The following ZNF804A variants were observed in gnomAD, a reference collection of about 807,000 sequenced individuals.
The protein encoded by ZNF804A is zinc finger protein 804A.
In ZNF804A, 2 loss-of-function variants were observed where a neutral mutation model predicts 16.5. That is an observed-to-expected ratio of 0.12 (90% CI 0.05 to 0.38). ZNF804A has a LOEUF of 0.38. Ranked by LOEUF, ZNF804A falls within the 10% of genes least tolerant of loss-of-function variation. The pLI, the probability that ZNF804A is intolerant of heterozygous loss-of-function variation, is 0.99. For synonymous variants in ZNF804A, 534 were observed against 489.6 expected, an observed-to-expected ratio of 1.09 and a Z score of -1.20; for missense variants, 1,473 against 1,390.7, an observed-to-expected ratio of 1.06 and a Z score of -0.94.
chr2:184,811,798 C>A (rs1402401304), intron 1 of ZNF804A, among the ~76,000 whole-genome samples: 1 of 152,118 alleles, frequency 6.6e-6, no homozygotes, highest in Non-Finnish European at 1.5e-5. Flanking sequence ...ATTTTAGCCT[C>A]CATCTTAATT....
At chr2:184,656,720 A>G (rs999634942) in intron 1 of ZNF804A, among the ~76,000 whole-genome samples, 4 of 151,676 alleles carry the variant, frequency 2.6e-5, no homozygotes, top group African/African-American at 9.7e-5. Context: ...ATACACATAT[A>G]TATACACATA....
intron 1 of ZNF804A, among the ~76,000 whole-genome samples, chr2:184,686,904 A>G (rs574952272): frequency 2.8e-4 from 42 of 152,174 alleles, no homozygotes; most frequent in African/African-American, 1.0e-3. Context: ...TTATTAATTT[A>G]TGTCTCTTAT....
At chr2:184,861,512 C>T (rs1236289932) in intron 1 of ZNF804A, among the ~76,000 whole-genome samples, 12 of 152,144 alleles carry the variant, frequency 7.9e-5, no homozygotes, top group Admixed American at 7.9e-4. Flanking sequence ...AAAGCACAGT[C>T]CTAATGTCAT....
At chr2:184,760,449 T>C (rs1359260806) in intron 1 of ZNF804A, among the ~76,000 whole-genome samples, 1 of 152,164 alleles carries the variant, frequency 6.6e-6, no homozygotes, top group East Asian at 1.9e-4. Flanking sequence ...GAAAATAATC[T>C]GATTTCTAAA....
At chr2:184,693,983 G>T (rs973507164) in intron 1 of ZNF804A, among the ~76,000 whole-genome samples, 1 of 147,750 alleles carries the variant, frequency 6.8e-6, no homozygotes, top group Non-Finnish European at 1.5e-5. Context: ...AGGCTGGAGT[G>T]CAGTGGCATG....
chr2:184,750,244 T>A (rs1286604698), intron 1 of ZNF804A, among the ~76,000 whole-genome samples: 2 of 151,346 alleles, frequency 1.3e-5, no homozygotes, highest in African/African-American at 4.8e-5. Flanking sequence ...GAAAATGATC[T>A]TCACAATACA....
At chr2:184,823,469 G>T (rs1695115989) in intron 1 of ZNF804A, among the ~76,000 whole-genome samples, 1 of 152,128 alleles carries the variant, frequency 6.6e-6, no homozygotes. Context: ...GTTACTGATA[G>T]TAGTATTCCC....
chr2:184,644,406 A>G (rs1317814774), intron 1 of ZNF804A, among the ~76,000 whole-genome samples: 1 of 151,750 alleles, frequency 6.6e-6, no homozygotes, highest in Non-Finnish European at 1.5e-5. Context: ...TTTTTAAACC[A>G]GTTTTCTTTT....
chr2:184,766,623 G>T (rs1694132475), intron 1 of ZNF804A, among the ~76,000 whole-genome samples: 1 of 143,866 alleles, frequency 7.0e-6, no homozygotes, highest in African/African-American at 2.7e-5. Context: ...TAATATGGTG[G>T]TTGCTCAAAA....
intron 1 of ZNF804A, among the ~76,000 whole-genome samples, chr2:184,797,119 T>C (rs1436679587): frequency 1.3e-5 from 2 of 152,172 alleles, no homozygotes; most frequent in Admixed American, 6.5e-5. Context: ...GGATGAAATG[T>C]TCTGTATGTA....
At chr2:184,717,522 T>C (rs1213506592) in intron 1 of ZNF804A, among the ~76,000 whole-genome samples, 1 of 152,142 alleles carries the variant, frequency 6.6e-6, no homozygotes, top group African/African-American at 2.4e-5. Context: ...GAATACAAGA[T>C]AGGAGAGAAG....
intron 1 of ZNF804A, among the ~76,000 whole-genome samples, chr2:184,666,806 A>T (rs1410532813): frequency 1.3e-5 from 2 of 152,178 alleles, no homozygotes; most frequent in Admixed American, 1.3e-4. Flanking sequence ...TCTTTGCATC[A>T]ATATCAGAAT....
At chr2:184,674,628 A>G (rs1249535619) in intron 1 of ZNF804A, among the ~76,000 whole-genome samples, 2 of 151,864 alleles carry the variant, frequency 1.3e-5, no homozygotes, top group Non-Finnish European at 3.0e-5. Flanking sequence ...GGAGAGGAAG[A>G]GGAGAAGAAA....
Position 184,936,119 on chromosome 2 carries a change from A to G in ZNF804A, c.723A>G (p.Ser241=), listed in dbSNP as rs1217941902. 2 of 1,613,970 alleles carry G rather than the reference A, an allele frequency of 1.2e-6. No individual in the cohort carries two copies. Among genetic ancestry groups the G allele is most frequent in the Non-Finnish European group, 1.7e-6 (2 of 1,179,982 alleles). Residue 241 remains serine, a synonymous_variant, in exon 4 of 4, where the codon TCA becomes TCG. Coordinates refer to ENST00000302277, the MANE Select transcript of ZNF804A (RefSeq NM_194250.2). The part of the protein sequence containing the change: ...AAFSEYSDDA[S]VGKGFSRKSR... ...TCTCTGAATACAGTGATGATGCCTC[A>G]GTGGGAAAAGGATTTAGCAGAAAAA...
chr2:184,881,195 TAACTC>T (rs1235774836), intron 2 of ZNF804A, among the ~76,000 whole-genome samples: 1 of 151,942 alleles, frequency 6.6e-6, no homozygotes, highest in African/African-American at 2.4e-5. Context: ...CTCCCCGAAT[TAACTC>T]AGTCAGACAA....
intron 1 of ZNF804A, among the ~76,000 whole-genome samples, chr2:184,783,343 A>G (rs1300651265): frequency 2.6e-5 from 4 of 151,626 alleles, no homozygotes; most frequent in Non-Finnish European, 5.9e-5. Flanking sequence ...AACTAGGCAG[A>G]TATCTTTATT....
intron 1 of ZNF804A, among the ~76,000 whole-genome samples, chr2:184,786,129 A>T (rs1280430527): frequency 1.3e-5 from 2 of 152,076 alleles, no homozygotes; most frequent in Admixed American, 6.6e-5. Flanking sequence ...TCTAAAGGTA[A>T]TAAAAGACAT....
chr2:184,723,143 T>C (rs1693346735), intron 1 of ZNF804A, among the ~76,000 whole-genome samples: 1 of 151,868 alleles, frequency 6.6e-6, no homozygotes, highest in Admixed American at 6.6e-5. Context: ...GTAAAATAGA[T>C]ACATACACAC....
intron 1 of ZNF804A, among the ~76,000 whole-genome samples, chr2:184,645,949 G>A (rs1691863907): frequency 6.6e-6 from 1 of 152,158 alleles, no homozygotes; most frequent in Non-Finnish European, 1.5e-5. Flanking sequence ...GGGCTTTTGG[G>A]CAAGTCAGGA....
Sources: allele counts gnomAD v4.1 joint callset (sites outside exome capture counted in the v4.1 genomes callset), GRCh38; gene constraint gnomAD v4.1.1; transcripts MANE v1.5; gene names NCBI Gene and HGNC (gene_info 2026-07-23, HGNC 2026-07-21).